The following IARS1 variants were observed in gnomAD, a reference collection of about 807,000 sequenced individuals.
IARS1 encodes the protein isoleucine--tRNA ligase, cytoplasmic.
IARS1 carries 124 observed loss-of-function variants against 168.2 expected under a neutral mutation model. That is an observed-to-expected ratio of 0.74 (90% CI 0.64 to 0.86). IARS1 has a LOEUF of 0.86. IARS1 is among the 40% of genes least tolerant of loss of function. IARS1 has a pLI of 0.00. For synonymous variants in IARS1, 532 were observed against 529.4 expected (o/e 1.00, Z -0.07); for missense variants, 1,452 against 1,515.8 (o/e 0.96, Z 0.70).
Position 92,271,075 on chromosome 9 carries a change from T to C in IARS1, c.1115A>G (p.Asp372Gly). 6.3e-7 allele frequency: 1 copy of C among 1,590,702 alleles called. No individual in the cohort carries two copies. Among genetic ancestry groups the C allele is most frequent in the African/African-American group, 1.3e-5 (1 of 74,118 alleles). The change falls in exon 12 of 34, where the codon GAT becomes GGT. Residue 372 changes from aspartate to glycine, a missense_variant and splice_region_variant. By Grantham distance (94) the Asp-to-Gly change is moderately conservative. Transcript: ENST00000443024. ...VTDFAGQYVK[D>G]ADKSIIRTLK... ...AGTCCTGATGATACTTTTGTCAGCA[T>C]CCTATTAAAAAAAATTAAAATTTAG... is the stretch of plus-strand genomic sequence containing the variant.
intron 30 of IARS1, among the ~76,000 whole-genome samples, chr9:92,232,229 T>C (rs908474044): frequency 9.2e-5 from 14 of 152,226 alleles, no homozygotes; most frequent in Non-Finnish European, 1.5e-4. Flanking sequence ...ATTTACAGCC[T>C]AGGGGTTTTG....
intron 21 of IARS1, among the ~76,000 whole-genome samples, chr9:92,252,764 CA>C (rs34983021): frequency 0.071 from 1,887 of 26,740 alleles, no homozygotes; most frequent in Non-Finnish European, 0.094. Context: ...AACTCCTTCT[CA>C]AAAAAAAAAA....
intron 10 of IARS1, among the ~76,000 whole-genome samples, 161 bp downstream of exon 10, chr9:92,274,265 G>T (rs1367022008): frequency 2.0e-5 from 3 of 152,172 alleles, no homozygotes; most frequent in Middle Eastern, 3.2e-3. Flanking sequence ...AGCTTAGGAT[G>T]AAAGGGAATT....
intron 6 of IARS1, among the ~76,000 whole-genome samples, chr9:92,282,131 A>T (rs909828044): frequency 6.6e-6 from 1 of 152,004 alleles, no homozygotes; most frequent in Non-Finnish European, 1.5e-5. Flanking sequence ...TTAGAGGAAA[A>T]GGGCCATAAT....
chr9:92,289,983 C>T (rs1412739766), intron 1 of IARS1, among the ~76,000 whole-genome samples: 2 of 152,118 alleles, frequency 1.3e-5, no homozygotes, highest in Non-Finnish European at 2.9e-5. Flanking sequence ...ATTGTTTCCA[C>T]TTTTTGGTTA....
chr9:92,239,703 G>A (rs1828077207), intron 30 of IARS1, among the ~76,000 whole-genome samples: 1 of 152,142 alleles, frequency 6.6e-6, no homozygotes, highest in Non-Finnish European at 1.5e-5. Flanking sequence ...ACCGGGCAGA[G>A]GGGCTCATTA....
intron 4 of IARS1, among the ~76,000 whole-genome samples, chr9:92,286,856 CT>C (rs1256544845): frequency 6.6e-6 from 1 of 152,164 alleles, no homozygotes; most frequent in Non-Finnish European, 1.5e-5. Context: ...TTATAAAAGT[CT>C]ACCAAAACCA....
At chr9:92,282,860 A>ATATATATATT (rs1230782830) in intron 6 of IARS1, among the ~76,000 whole-genome samples, 8 of 132,856 alleles carry the variant, frequency 6.0e-5, no homozygotes, top group African/African-American at 2.3e-4. Context: ...ATATATATAT[A>ATATATATATT]TTTTTTTTTT....
At chr9:92,273,743 G>A (rs1833414663) in intron 10 of IARS1, among the ~76,000 whole-genome samples, 1 of 152,222 alleles carries the variant, frequency 6.6e-6, no homozygotes, top group South Asian at 2.1e-4. Flanking sequence ...TGGCAGATGA[G>A]GGCAGACTAC....
intron 31 of IARS1, among the ~76,000 whole-genome samples, chr9:92,226,506 A>T (rs1194045590): frequency 6.6e-6 from 1 of 152,216 alleles, no homozygotes; most frequent in Non-Finnish European, 1.5e-5. Flanking sequence ...TCATAAAATG[A>T]GTATTAGTTT....
chr9:92,257,284 C>A (rs971623326), intron 19 of IARS1, among the ~76,000 whole-genome samples: 2 of 152,228 alleles, frequency 1.3e-5, no homozygotes, highest in African/African-American at 4.8e-5. Flanking sequence ...AGTCCTTGCT[C>A]TACAAACAGA....
chr9:92,259,420 T>C (rs1269872977), intron 18 of IARS1, among the ~76,000 whole-genome samples: 1 of 152,168 alleles, frequency 6.6e-6, no homozygotes, highest in Non-Finnish European at 1.5e-5. Flanking sequence ...AGTCTTGACA[T>C]CTGGTGGGCA....
chr9:92,227,220 C>T (rs1167013200), intron 31 of IARS1, among the ~76,000 whole-genome samples: 9 of 145,382 alleles, frequency 6.2e-5, no homozygotes, highest in South Asian at 2.3e-4. Flanking sequence ...TACACAGACA[C>T]GGCAACCATC....
intron 33 of IARS1, among the ~76,000 whole-genome samples, chr9:92,220,407 T>G (rs757678945): frequency 4.6e-5 from 7 of 151,372 alleles, no homozygotes; most frequent in Non-Finnish European, 1.0e-4. Context: ...CCCTAAAACT[T>G]AAAGTATAAT....
intron 26 of IARS1, among the ~76,000 whole-genome samples, chr9:92,247,150 C>G (rs904147541): frequency 1.3e-5 from 2 of 151,932 alleles, no homozygotes; most frequent in Non-Finnish European, 2.9e-5. Context: ...GCCAAGATCG[C>G]GCCACTGTGC....
intron 6 of IARS1, among the ~76,000 whole-genome samples, chr9:92,282,728 C>A (rs1208235955): frequency 6.6e-6 from 1 of 151,788 alleles, no homozygotes. Flanking sequence ...TGTGTTTGCA[C>A]CATTGCATTC....
chr9:92,286,606 T>G lies in IARS1; in HGVS notation c.409A>C (p.Arg137=), dbSNP rs970469990. Residue 137 remains arginine, a synonymous_variant, in exon 5 of 34, where the codon AGA becomes CGA. Transcript: ENST00000443024. The part of the protein sequence containing the change: ...YSAEWKSTVS[R]LGRWIDFDND... ...TCAAAGTCAATCCATCGGCCAAGTC[T>G]GCTAACAGTAGACTTTAAAATATTA... 5.7e-6 allele frequency: 9 copies of G among 1,569,324 alleles called. No individual in the cohort carries two copies. In the East Asian group the frequency reaches 2.0e-4, roughly 35 times the overall value.
chr9:92,293,343 C>A, intron 1 of IARS1: 1 of 333,128 alleles, frequency 3.0e-6, no homozygotes, highest in Non-Finnish European at 6.4e-6. Flanking sequence ...TAAATTAAGA[C>A]ATATAAAAAT....
intron 33 of IARS1, among the ~76,000 whole-genome samples, chr9:92,217,006 T>C (rs1838816000): frequency 1.3e-5 from 2 of 150,286 alleles, no homozygotes; most frequent in South Asian, 4.3e-4. Context: ...ATTCCAAAAT[T>C]GACCACATAC....
Sources: allele counts gnomAD v4.1 joint callset (sites outside exome capture counted in the v4.1 genomes callset), GRCh38; gene constraint gnomAD v4.1.1; transcripts MANE v1.5; gene names NCBI Gene and HGNC (gene_info 2026-07-23, HGNC 2026-07-21).